Variants in DNAH9 observed in about 807,000 individuals in gnomAD.
DNAH9 encodes dynein axonemal heavy chain 9, also known as DNAH9 variant protein.
A neutral mutation model predicts 471.6 loss-of-function variants in DNAH9; 345 were observed. That is an observed-to-expected ratio of 0.73 (90% CI 0.67 to 0.80). DNAH9 has a LOEUF of 0.80. Among genes scored for constraint, DNAH9 ranks in the 30% least tolerant of loss-of-function variants. The pLI is 0.00. For synonymous variants in DNAH9, 2,093 were observed against 2,123.6 expected (o/e 0.99, Z 0.40); for missense variants, 5,407 against 5,609.2 (o/e 0.96, Z 1.15).
chr17:11,622,968 C>CTTTTTTTTTTTTT (rs10551080), intron 6 of DNAH9, among the ~76,000 whole-genome samples: 1 of 105,388 alleles, frequency 9.5e-6, no homozygotes, highest in Non-Finnish European at 1.9e-5. Context: ...TTTTCTTTTT[C>CTTTTTTTTTTTTT]TTTTTTTTTT....
intron 20 of DNAH9, among the ~76,000 whole-genome samples, chr17:11,691,344 T>C (rs2074329459): frequency 6.6e-6 from 1 of 152,212 alleles, no homozygotes; most frequent in South Asian, 2.1e-4. Context: ...AGACAAGGCT[T>C]AATTAAAAGG....
At chr17:11,920,514 G>A (rs191573740) in intron 61 of DNAH9, among the ~76,000 whole-genome samples, 6 of 151,292 alleles carry the variant, frequency 4.0e-5, no homozygotes, top group African/African-American at 7.3e-5. Context: ...TCAGCTACTC[G>A]GGAGGCTGAG....
chr17:11,800,503 T>C (rs556677783), intron 43 of DNAH9, among the ~76,000 whole-genome samples: 151 of 152,266 alleles, frequency 9.9e-4, no homozygotes, highest in African/African-American at 3.6e-3. Context: ...AACTATTCCT[T>C]GCCTCTTACA....
Position 11,777,923 on chromosome 17 carries a change from A to G in DNAH9, c.7553-3086A>G, listed in dbSNP as rs543622867. On this transcript the variant is annotated intron_variant, in intron 38 of 68. Transcript: ENST00000262442. ...GAAAGTTCAAATATAGTATAATGAA[A>G]TTGAAGGGGATGGATGGGGTAATAC... Among the ~76,000 whole-genome samples the G allele has an allele frequency of 3.9e-5, 6 of 152,292 alleles. No homozygotes were observed. The East Asian group carries it at 5.8e-4, about 15-fold the overall frequency.
At chr17:11,798,542 T>A (rs960251287) in intron 43 of DNAH9, among the ~76,000 whole-genome samples, 1 of 151,770 alleles carries the variant, frequency 6.6e-6, no homozygotes, top group African/African-American at 2.4e-5. Flanking sequence ...GTGTTTTTGC[T>A]ATCTAGTGAA....
At chr17:11,865,071 T>C (rs558723479) in intron 50 of DNAH9, among the ~76,000 whole-genome samples, 32 of 152,280 alleles carry the variant, frequency 2.1e-4, no homozygotes, top group African/African-American at 7.2e-4. Flanking sequence ...CATTATGATG[T>C]TAGCTGGTTA....
intron 44 of DNAH9, 25 bp from the exon 45 acceptor site, chr17:11,810,221 T>C: frequency 6.3e-7 from 1 of 1,593,646 alleles, no homozygotes; most frequent in Non-Finnish European, 8.5e-7. Flanking sequence ...TTTTCAGAGA[T>C]TTCTGATATT....
Position 11,598,922 on chromosome 17 carries a change from G to T in DNAH9, c.417+7G>T. ...AGCCGCGCTGTTCTCGGAGGTGAGG[G>T]TGGGTTAGTGTCCCCGCGCGGCTAA... On this transcript the variant is annotated splice_region_variant and intron_variant, in intron 1 of 68. Coordinates refer to ENST00000262442, the MANE Select transcript of DNAH9 (RefSeq NM_001372.4). 1 of 1,501,202 alleles carries T rather than the reference G, an allele frequency of 6.7e-7. No homozygotes were observed. 93.0% of individuals were successfully genotyped at this position (1,501,202 alleles called of 1,614,324 possible).
At chr17:11,859,328 C>T (rs1971746824) in intron 50 of DNAH9, among the ~76,000 whole-genome samples, 1 of 148,838 alleles carries the variant, frequency 6.7e-6, no homozygotes, top group African/African-American at 2.5e-5. Flanking sequence ...AGAAGAATTG[C>T]TTGAACCTGG....
At position 11,821,878 on chromosome 17, in the gene DNAH9, C is replaced by G. The variant is rs537559033; in HGVS notation, c.8708-42C>G. Reference sequence around the variant, plus strand: ...TCCCATGTCTGATTGCATCATTTAACGAGATGCCAAGGCTGCCTATCTGTG... The same window carrying G: ...TCCCATGTCTGATTGCATCATTTAAGGAGATGCCAAGGCTGCCTATCTGTG... On this transcript the variant is annotated intron_variant, in intron 45 of 68. Coordinates refer to ENST00000262442, the MANE Select transcript of DNAH9 (RefSeq NM_001372.4). 6 of 1,583,476 alleles carry G rather than the reference C, an allele frequency of 3.8e-6. No homozygotes were observed. The Admixed American group carries it at 5.5e-5, about 14-fold the overall frequency.
At chr17:11,603,270 A>T (rs1315760736) in intron 1 of DNAH9, among the ~76,000 whole-genome samples, 5 of 152,290 alleles carry the variant, frequency 3.3e-5, no homozygotes, top group South Asian at 4.1e-4. Flanking sequence ...TTGCTCTTTT[A>T]GATCACTATT....
intron 28 of DNAH9, among the ~76,000 whole-genome samples, chr17:11,729,077 C>T (rs1333447119): frequency 6.6e-6 from 1 of 152,126 alleles, no homozygotes; most frequent in African/African-American, 2.4e-5. Flanking sequence ...TCAGAGAACC[C>T]CCAGAGACAT....
chr17:11,873,699 C>T (rs959812834), intron 52 of DNAH9, among the ~76,000 whole-genome samples: 1 of 149,550 alleles, frequency 6.7e-6, no homozygotes, highest in Admixed American at 6.8e-5. Context: ...ATAAGAAAAT[C>T]CAAGGGGACA....
In DNAH9 at chr17:11,797,578, T is replaced by C. The variant is rs749726591; in HGVS notation, c.8224-19T>C. ...AGAAGTCAATAATGAGGGCCCTTAT[T>C]CCTGTGTCTCATCACCAGGATATTG... On this transcript the variant is annotated intron_variant, in intron 42 of 68. Coordinates refer to ENST00000262442, the MANE Select transcript of DNAH9 (RefSeq NM_001372.4). 1 of 1,599,096 alleles carries C rather than the reference T, an allele frequency of 6.3e-7. No homozygotes were observed. The highest frequency in any genetic ancestry group is 8.5e-7 in the Non-Finnish European group (1 of 1,171,974).
rs551134733 is a variant in DNAH9 at position 11,884,804 on chromosome 17, G to A, written c.10971+1054G>A. 2.6e-5 allele frequency among the ~76,000 whole-genome samples: 4 copies of A among 152,220 alleles called. No individual in the cohort carries two copies. In the East Asian group the frequency reaches 5.8e-4, roughly 22 times the overall value. ...GCATGAGAGTTTGTAAAGTAATTAC[G>A]GTAGAGCTGCCACTGCCCTGGATAA... On this transcript the variant is annotated intron_variant, in intron 56 of 68. Transcript: ENST00000262442.
Position 11,603,703 on chromosome 17 carries a change from A to T in DNAH9, c.418-4426A>T, listed in dbSNP as rs151052713. ...ATGTTTATGACCCCCTTCATAGCAG[A>T]ATTCCTGGAATGTGTGTCTCCTCTT... is the stretch of plus-strand genomic sequence containing the variant. On this transcript the variant is annotated intron_variant, in intron 1 of 68. Transcript: ENST00000262442. Among the ~76,000 whole-genome samples, 740 of 152,276 alleles carry T rather than the reference A, an allele frequency of 4.9e-3. 5 individuals carry two copies. The highest frequency in any genetic ancestry group is 8.5e-3 in the Non-Finnish European group (578 of 68,014).
At chr17:11,925,381 C>T (rs2151030721) in intron 62 of DNAH9, 1 of 310,976 alleles carries the variant, frequency 3.2e-6, no homozygotes, top group East Asian at 8.9e-5. Flanking sequence ...GGTCTTTGTC[C>T]TTAATTATTC....
chr17:11,822,371 A>G (rs1463749274), intron 46 of DNAH9, 67 bp from the exon 47 acceptor site: 4 of 1,576,792 alleles, frequency 2.5e-6, no homozygotes, highest in African/African-American at 1.3e-5. Context: ...ACCCAAGGCC[A>G]TATCTGCCTC....
chr17:11,935,182 G>C (rs536914149), intron 65 of DNAH9, among the ~76,000 whole-genome samples: 1 of 151,178 alleles, frequency 6.6e-6, no homozygotes, highest in Non-Finnish European at 1.5e-5. Flanking sequence ...AGCTGGTCTC[G>C]AACTCCTAAC....
Sources: allele counts gnomAD v4.1 joint callset (sites outside exome capture counted in the v4.1 genomes callset), GRCh38; gene constraint gnomAD v4.1.1; transcripts MANE v1.5; gene names NCBI Gene and HGNC (gene_info 2026-07-23, HGNC 2026-07-21).